The following UBE2D2 variants were observed in gnomAD, a reference collection of about 807,000 sequenced individuals.
UBE2D2 encodes ubiquitin conjugating enzyme E2 D2.
A neutral mutation model predicts 24.2 loss-of-function variants in UBE2D2; 2 were observed. The observed-to-expected ratio is 0.08, with a 90% CI of 0.03 to 0.26. The LOEUF (loss-of-function observed/expected upper bound fraction) is 0.26. Among genes scored for constraint, UBE2D2 ranks in the 10% least tolerant of loss-of-function variants. The pLI is 1.00. For missense variants in UBE2D2, 44 were observed against 177.6 expected (o/e 0.25, Z 4.28); for synonymous variants, 58 against 56.5 (o/e 1.03, Z -0.12).
chr5:139,561,885 T>C, intron 1 of UBE2D2, 70 bp downstream of exon 1: 2 of 1,437,906 alleles, frequency 1.4e-6, no homozygotes, highest in Non-Finnish European at 1.8e-6. Flanking sequence ...CCCGCCGTAG[T>C]CTCCGTCGGG....
chr5:139,587,697 G>A (rs116421837), intron 1 of UBE2D2, among the ~76,000 whole-genome samples: 3,361 of 147,194 alleles, frequency 0.023, 146 homozygotes, highest in African/African-American at 0.08. Flanking sequence ...AAAAAAAACG[G>A]ACCAGAAGAG....
chr5:139,545,598 G>C (rs546399100), intron 1 of UBE2D2, among the ~76,000 whole-genome samples: 1 of 151,394 alleles, frequency 6.6e-6, no homozygotes, highest in East Asian at 2.0e-4. Flanking sequence ...GCTAATTTTT[G>C]TATTTTTAGT....
chr5:139,570,550 C>T (rs1320318255), intron 1 of UBE2D2, among the ~76,000 whole-genome samples: 3 of 151,978 alleles, frequency 2.0e-5, no homozygotes, highest in Non-Finnish European at 2.9e-5. Flanking sequence ...CTAGCTCTGA[C>T]GCCCAGGCTG....
At chr5:139,547,525 T>A (rs1158570954) in intron 1 of UBE2D2, among the ~76,000 whole-genome samples, 1 of 150,912 alleles carries the variant, frequency 6.6e-6, no homozygotes, top group Non-Finnish European at 1.5e-5. Context: ...TTTTTTTTGT[T>A]CTTGAGATGG....
chr5:139,543,638 C>T (rs2126633795), intron 1 of UBE2D2, among the ~76,000 whole-genome samples: 1 of 152,356 alleles, frequency 6.6e-6, no homozygotes, highest in Admixed American at 6.5e-5. Context: ...CGACTCGGGC[C>T]TCTCAAAACC....
At chr5:139,535,657 AATTAGTTAAATAAATATG>A (rs1315734730) in intron 1 of UBE2D2, among the ~76,000 whole-genome samples, 1 of 152,154 alleles carries the variant, frequency 6.6e-6, no homozygotes, top group Non-Finnish European at 1.5e-5. Flanking sequence ...TCTAATAGAG[AATTAGTTAAATAAATATG>A]GAAGGCTATG....
At chr5:139,535,087 C>T (rs1326675872) in intron 1 of UBE2D2, among the ~76,000 whole-genome samples, 2 of 151,088 alleles carry the variant, frequency 1.3e-5, no homozygotes, top group South Asian at 2.1e-4. Context: ...TTTCAGTGAA[C>T]CAAGATCTCA....
chr5:139,573,747 A>G (rs1753403361), intron 1 of UBE2D2, among the ~76,000 whole-genome samples: 1 of 152,130 alleles, frequency 6.6e-6, no homozygotes, highest in Admixed American at 6.6e-5. Flanking sequence ...AGGCGGGCGA[A>G]TCACGAGGTC....
intron 2 of UBE2D2, among the ~76,000 whole-genome samples, chr5:139,610,670 C>T (rs577356754): frequency 4.2e-4 from 64 of 150,924 alleles, no homozygotes; most frequent in Non-Finnish European, 6.8e-4. Flanking sequence ...CATAGGAGTT[C>T]GAGACCAGCC....
chr5:139,552,268 T>C (rs992239668), intron 1 of UBE2D2, among the ~76,000 whole-genome samples: 2 of 151,706 alleles, frequency 1.3e-5, no homozygotes, highest in Non-Finnish European at 2.9e-5. Flanking sequence ...GTTCAAGCAA[T>C]TGTCCTGCCT....
At chr5:139,539,657 T>A (rs1752730419) in intron 1 of UBE2D2, among the ~76,000 whole-genome samples, 1 of 152,132 alleles carries the variant, frequency 6.6e-6, no homozygotes, top group Admixed American at 6.6e-5. Context: ...AGTGGCTCGA[T>A]CTCGGCTGAC....
At chr5:139,595,892 GTTTT>G (rs70988709) in intron 1 of UBE2D2, among the ~76,000 whole-genome samples, 1 of 98,874 alleles carries the variant, frequency 1.0e-5, no homozygotes, top group Non-Finnish European at 2.0e-5. Flanking sequence ...GTTTTTTGTT[GTTTT>G]TTTTTTTTTT....
chr5:139,528,054 G>A (rs867869577), intron 1 of UBE2D2, among the ~76,000 whole-genome samples: 13 of 152,360 alleles, frequency 8.5e-5, no homozygotes, highest in Admixed American at 2.6e-4. Flanking sequence ...AAGTCTCTGC[G>A]GGTCAGCCCC....
upstream of UBE2D2, among the ~76,000 whole-genome samples, chr5:139,557,801 C>A (rs1273619362): frequency 6.6e-6 from 1 of 152,016 alleles, no homozygotes; most frequent in East Asian, 1.9e-4. Context: ...ATGCAAAAAT[C>A]TGCATATCTG....
At chr5:139,548,939 C>T (rs1752870652) in intron 1 of UBE2D2, among the ~76,000 whole-genome samples, 1 of 151,888 alleles carries the variant, frequency 6.6e-6, no homozygotes, top group African/African-American at 2.4e-5. Context: ...ACCTCCGTCT[C>T]CCGGGTTCAA....
At chr5:139,528,281 G>A (rs1752562012) in intron 1 of UBE2D2, among the ~76,000 whole-genome samples, 1 of 152,056 alleles carries the variant, frequency 6.6e-6, no homozygotes, top group South Asian at 2.1e-4. Flanking sequence ...AACTAGTGTG[G>A]CACTTGTGCT....
intron 2 of UBE2D2, among the ~76,000 whole-genome samples, chr5:139,614,052 ACT>A (rs1467224585): frequency 1.5e-5 from 2 of 134,690 alleles, no homozygotes; most frequent in Non-Finnish European, 3.1e-5. Flanking sequence ...ATAGAGTGAG[ACT>A]CTGTCTCAAA....
intron 2 of UBE2D2, among the ~76,000 whole-genome samples, chr5:139,614,085 T>C (rs983472705): frequency 6.7e-6 from 1 of 150,322 alleles, no homozygotes; most frequent in Non-Finnish European, 1.5e-5. Context: ...AAAAAAAGTG[T>C]ATTATATGTA....
At chr5:139,600,072 A>G (rs1249803902) in intron 1 of UBE2D2, among the ~76,000 whole-genome samples, 1 of 152,132 alleles carries the variant, frequency 6.6e-6, no homozygotes, top group East Asian at 1.9e-4. Flanking sequence ...TGCTGGGATT[A>G]CAGGTGTGAG....
Sources: gnomAD v4.1 joint callset for allele counts (sites outside exome capture counted in the v4.1 genomes callset) on GRCh38, gnomAD v4.1.1 for gene constraint, MANE v1.5 for transcripts, NCBI Gene and HGNC (gene_info 2026-07-23, HGNC 2026-07-21) for gene names.